Variants in CERS3 observed in about 807,000 individuals in gnomAD.
CERS3 encodes the protein LAG1 homolog, ceramide synthase 3.
In CERS3, 33 loss-of-function variants were observed where a neutral mutation model predicts 50.3. The observed-to-expected ratio is 0.66, with a 90% CI of 0.50 to 0.88. The LOEUF (loss-of-function observed/expected upper bound fraction) is 0.88, where lower values mean the gene tolerates loss of function less well. CERS3 is among the 40% of genes least tolerant of loss of function. CERS3 has a pLI of 0.00. For synonymous variants in CERS3, 176 were observed against 155.2 expected, an observed-to-expected ratio of 1.13 and a Z score of -0.99; for missense variants, 470 against 460.3, an observed-to-expected ratio of 1.02 and a Z score of -0.19.
At chr15:100,449,998 A>G (rs2034094976) in intron 11 of CERS3, among the ~76,000 whole-genome samples, 1 of 152,250 alleles carries the variant, frequency 6.6e-6, no homozygotes, top group African/African-American at 2.4e-5. Context: ...GAAATCAGAA[A>G]AACAATTCAT....
intron 4 of CERS3, among the ~76,000 whole-genome samples, chr15:100,488,613 T>C (rs556469256): frequency 1.3e-5 from 2 of 152,308 alleles, no homozygotes; most frequent in East Asian, 1.9e-4. Flanking sequence ...TAAGTCCTAG[T>C]GCTTTTAGGC....
intron 2 of CERS3, among the ~76,000 whole-genome samples, chr15:100,509,200 A>G (rs1424774881): frequency 6.6e-6 from 1 of 152,222 alleles, no homozygotes; most frequent in African/African-American, 2.4e-5. Flanking sequence ...CTGTTGAGCT[A>G]CTTCCTCAGA....
chr15:100,430,335 GAAAACA>G (rs958284155), intron 11 of CERS3, among the ~76,000 whole-genome samples: 2 of 151,352 alleles, frequency 1.3e-5, no homozygotes, highest in African/African-American at 4.9e-5. Context: ...ATGACCAAAA[GAAAACA>G]AAAACAAAAA....
chr15:100,449,199 C>T (rs1482820436), intron 11 of CERS3, among the ~76,000 whole-genome samples: 2 of 152,192 alleles, frequency 1.3e-5, no homozygotes, highest in Admixed American at 6.5e-5. Flanking sequence ...CAGGTTGTGC[C>T]GACCTAACCT....
At chr15:100,535,750 T>C (rs1461213906) in intron 1 of CERS3, among the ~76,000 whole-genome samples, 10 of 141,266 alleles carry the variant, frequency 7.1e-5, no homozygotes, top group Non-Finnish European at 1.5e-4. Flanking sequence ...GCACGGGAAG[T>C]GGGGACATCC....
chr15:100,460,822 A>G (rs1451503418), intron 10 of CERS3, among the ~76,000 whole-genome samples: 1 of 152,214 alleles, frequency 6.6e-6, no homozygotes, highest in Non-Finnish European at 1.5e-5. Context: ...TACACAGTCT[A>G]CCGGAGAATG....
At chr15:100,404,026 G>A (rs1052155205) in intron 11 of CERS3, among the ~76,000 whole-genome samples, 3 of 152,178 alleles carry the variant, frequency 2.0e-5, no homozygotes, top group Non-Finnish European at 4.4e-5. Context: ...GGCAGAGGAA[G>A]GGCCAACACA....
chr15:100,489,067 G>A (rs894158482), intron 4 of CERS3, among the ~76,000 whole-genome samples: 50 of 152,262 alleles, frequency 3.3e-4, no homozygotes, highest in African/African-American at 9.9e-4. Flanking sequence ...AAGCCACTGC[G>A]CCCAGCCACT....
At chr15:100,510,763 T>C (rs2036316412) in intron 2 of CERS3, among the ~76,000 whole-genome samples, 1 of 152,246 alleles carries the variant, frequency 6.6e-6, no homozygotes, top group Non-Finnish European at 1.5e-5. Flanking sequence ...ACAGGAGCGA[T>C]TTTTAAAGCC....
intron 11 of CERS3, among the ~76,000 whole-genome samples, chr15:100,429,369 A>G (rs1362945562): frequency 7.2e-5 from 11 of 152,152 alleles, no homozygotes; most frequent in Admixed American, 6.5e-4. Flanking sequence ...TGGAAGGGGT[A>G]TTACGTAAGA....
At chr15:100,506,782 C>T (rs757436587) in intron 2 of CERS3, among the ~76,000 whole-genome samples, 9 of 152,036 alleles carry the variant, frequency 5.9e-5, no homozygotes, top group Non-Finnish European at 8.8e-5. Context: ...TGGGGACAGA[C>T]GAGGGAAAAT....
Position 100,485,817 on chromosome 15 carries a change from T to C in CERS3, c.289-1149A>G, listed in dbSNP as rs145973425. On this transcript the variant is annotated intron_variant, in intron 4 of 11. Coordinates refer to ENST00000679737, the MANE Select transcript of CERS3 (RefSeq NM_001378789.1). ...GGGCAGAGGTTGCAGTGAACCAAGA[T>C]TGTGACACTGTACTCCAGCCTGGGC... Among the ~76,000 whole-genome samples, 7 of 152,254 alleles carry C rather than the reference T, an allele frequency of 4.6e-5. 1 individual carries two copies. Among genetic ancestry groups the C allele is most frequent in the African/African-American group, 1.4e-4 (6 of 41,534 alleles).
intron 11 of CERS3, among the ~76,000 whole-genome samples, chr15:100,405,233 TAA>T (rs752244347): frequency 2.9e-5 from 1 of 34,892 alleles, no homozygotes; most frequent in Admixed American, 2.4e-4. Context: ...AACTCAATGG[TAA>T]AAAAAAAAAA....
intron 1 of CERS3, among the ~76,000 whole-genome samples, chr15:100,539,622 G>C (rs2037152328): frequency 6.6e-6 from 1 of 152,112 alleles, no homozygotes; most frequent in Admixed American, 6.5e-5. Context: ...GAAGAGCATG[G>C]GGGAAAGAAG....
At chr15:100,535,533 G>C (rs984064818) in intron 1 of CERS3, among the ~76,000 whole-genome samples, 3 of 152,082 alleles carry the variant, frequency 2.0e-5, no homozygotes. Flanking sequence ...ACGGGAAGTG[G>C]GGATATGCCT....
At chr15:100,446,584 T>C (rs2033954434) in intron 11 of CERS3, among the ~76,000 whole-genome samples, 1 of 152,146 alleles carries the variant, frequency 6.6e-6, no homozygotes, top group African/African-American at 2.4e-5. Context: ...TCAGACTAAC[T>C]GCCAGCATCC....
At chr15:100,419,348 A>G (rs1223206965) in intron 11 of CERS3, among the ~76,000 whole-genome samples, 3 of 92,244 alleles carry the variant, frequency 3.3e-5, no homozygotes, top group African/African-American at 8.3e-5. Context: ...CCATTACATA[A>G]TGGTAAAGGG....
intron 11 of CERS3, among the ~76,000 whole-genome samples, chr15:100,418,083 A>T (rs1418790610): frequency 1.3e-5 from 2 of 152,074 alleles, no homozygotes; most frequent in African/African-American, 4.8e-5. Flanking sequence ...TGGATGGAGA[A>T]TGACTTTGAC....
At chr15:100,433,887 A>T (rs945945086) in intron 11 of CERS3, among the ~76,000 whole-genome samples, 4 of 152,238 alleles carry the variant, frequency 2.6e-5, no homozygotes, top group South Asian at 4.1e-4. Context: ...TGGACAGCCA[A>T]TACCCTGGGG....
Sources: allele counts gnomAD v4.1 joint callset (sites outside exome capture counted in the v4.1 genomes callset), GRCh38; gene constraint gnomAD v4.1.1; transcripts MANE v1.5; gene names NCBI Gene and HGNC (gene_info 2026-07-23, HGNC 2026-07-21).